The following CADM2 variants were observed in gnomAD, a reference collection of about 807,000 sequenced individuals.
CADM2 encodes immunoglobulin superfamily member 4D.
CADM2 carries 12 observed loss-of-function variants against 49.8 expected under a neutral mutation model. That is an observed-to-expected ratio of 0.24 (90% CI 0.15 to 0.39). CADM2 has a LOEUF of 0.39. Ranked by LOEUF, CADM2 falls within the 10% of genes least tolerant of loss-of-function variation. CADM2 has a pLI of 1.00. For missense variants in CADM2, 378 were observed against 492.3 expected (o/e 0.77, Z 2.20); for synonymous variants, 214 against 175.4 (o/e 1.22, Z -1.74).
intron 8 of CADM2, among the ~76,000 whole-genome samples, chr3:86,030,593 A>C (rs1734438456): frequency 6.6e-6 from 1 of 151,960 alleles, no homozygotes; most frequent in African/African-American, 2.4e-5. Flanking sequence ...TGCCCACACA[A>C]GTGAGCAAGA....
intron 1 of CADM2, among the ~76,000 whole-genome samples, chr3:85,522,993 GAAA>G (rs71108296): frequency 2.8e-5 from 3 of 105,472 alleles, no homozygotes; most frequent in East Asian, 6.6e-4. Flanking sequence ...ACTTTTCCAA[GAAA>G]AAAAAAAAAA....
At chr3:85,909,401 AATAT>A (rs59251646) in intron 5 of CADM2, among the ~76,000 whole-genome samples, 1 of 147,318 alleles carries the variant, frequency 6.8e-6, no homozygotes, top group Non-Finnish European at 1.5e-5. Flanking sequence ...TGTAAAATGA[AATAT>A]ATATATATAT....
intron 1 of CADM2, among the ~76,000 whole-genome samples, chr3:85,332,249 T>A (rs1576363689): frequency 6.6e-6 from 1 of 152,214 alleles, no homozygotes; most frequent in Non-Finnish European, 1.5e-5. Flanking sequence ...TTTTTACTGT[T>A]GGATCCTGAG....
At chr3:85,497,972 C>T (rs922448585) in intron 1 of CADM2, among the ~76,000 whole-genome samples, 5 of 151,714 alleles carry the variant, frequency 3.3e-5, no homozygotes, top group African/African-American at 9.7e-5. Flanking sequence ...GTGAAATTGC[C>T]TACTCACTAA....
intron 1 of CADM2, among the ~76,000 whole-genome samples, chr3:85,677,340 C>T (rs1292039890): frequency 6.6e-6 from 1 of 152,074 alleles, no homozygotes; most frequent in Non-Finnish European, 1.5e-5. Context: ...TCACATCCTC[C>T]CTCTATAACT....
intron 1 of CADM2, among the ~76,000 whole-genome samples, chr3:85,421,761 T>C (rs1211891866): frequency 6.6e-6 from 1 of 152,212 alleles, no homozygotes; most frequent in Admixed American, 6.5e-5. Context: ...GATTTTTGTA[T>C]AGGTTAATTT....
chr3:85,652,934 C>T (rs897818237), intron 1 of CADM2, among the ~76,000 whole-genome samples: 4 of 151,370 alleles, frequency 2.6e-5, no homozygotes, highest in African/African-American at 9.7e-5. Flanking sequence ...CATGCCACCA[C>T]ACCTGGCTAA....
At chr3:85,344,882 T>C (rs964311252) in intron 1 of CADM2, among the ~76,000 whole-genome samples, 1 of 152,096 alleles carries the variant, frequency 6.6e-6, no homozygotes, top group Non-Finnish European at 1.5e-5. Flanking sequence ...TCACCAAAAA[T>C]AACCTAAGAA....
At chr3:85,751,790 A>C (rs1186920782) in intron 2 of CADM2, among the ~76,000 whole-genome samples, 3 of 152,162 alleles carry the variant, frequency 2.0e-5, no homozygotes, top group African/African-American at 7.2e-5. Flanking sequence ...GACTAAGCCC[A>C]TGTTAAATTC....
intron 1 of CADM2, among the ~76,000 whole-genome samples, chr3:85,014,085 G>A (rs114900723): frequency 0.024 from 3,381 of 138,656 alleles, 118 homozygotes; most frequent in Admixed American, 0.052. Context: ...TTATATATAC[G>A]CAGTGTAAAA....
intron 8 of CADM2, among the ~76,000 whole-genome samples, chr3:86,000,154 G>A (rs1289918943): frequency 1.3e-5 from 2 of 152,154 alleles, no homozygotes; most frequent in African/African-American, 4.8e-5. Flanking sequence ...TGCCAGAAAA[G>A]GGGGAAGTAC....
intron 8 of CADM2, among the ~76,000 whole-genome samples, chr3:86,041,443 T>C (rs1378471669): frequency 6.6e-6 from 1 of 152,086 alleles, no homozygotes; most frequent in African/African-American, 2.4e-5. Flanking sequence ...TAGTCTCTGA[T>C]AAAACAGACT....
intron 1 of CADM2, among the ~76,000 whole-genome samples, chr3:84,989,958 CTT>C (rs2032790753): frequency 6.6e-6 from 1 of 151,712 alleles, no homozygotes; most frequent in Non-Finnish European, 1.5e-5. Context: ...AAACTTATAA[CTT>C]TGAAGAAAAT....
chr3:85,316,830 T>C (rs949170465), intron 1 of CADM2, among the ~76,000 whole-genome samples: 1 of 152,072 alleles, frequency 6.6e-6, no homozygotes, highest in Non-Finnish European at 1.5e-5. Flanking sequence ...AGCGCGTACA[T>C]GCAGCTAATC....
chr3:85,802,995 C>A, intron 3 of CADM2, among the ~76,000 whole-genome samples: 1 of 151,894 alleles, frequency 6.6e-6, no homozygotes, highest in South Asian at 2.1e-4. Context: ...AACTATTAGT[C>A]TTAATATATT....
chr3:85,391,391 G>T (rs1319146643), intron 1 of CADM2, among the ~76,000 whole-genome samples: 2 of 151,976 alleles, frequency 1.3e-5, no homozygotes, highest in African/African-American at 4.8e-5. Flanking sequence ...AGTGGAAGAG[G>T]TTATAGATGT....
intron 2 of CADM2, among the ~76,000 whole-genome samples, chr3:85,737,213 A>C (rs1195615714): frequency 6.6e-6 from 1 of 152,168 alleles, no homozygotes; most frequent in Non-Finnish European, 1.5e-5. Flanking sequence ...TTATTACTGG[A>C]ATAATAAGAT....
At chr3:85,789,790 T>A (rs2071218574) in intron 2 of CADM2, among the ~76,000 whole-genome samples, 1 of 152,168 alleles carries the variant, frequency 6.6e-6, no homozygotes, top group Admixed American at 6.6e-5. Flanking sequence ...AGCCATATAT[T>A]CGTATTTATT....
chr3:84,982,737 A>ATATATATATAT (rs1553663805), intron 1 of CADM2, among the ~76,000 whole-genome samples: 4 of 115,376 alleles, frequency 3.5e-5, no homozygotes, highest in African/African-American at 7.0e-5. Context: ...ATATATATAC[A>ATATATATATAT]TTTTTTGTTT....
Sources: gnomAD v4.1 joint callset for allele counts (sites outside exome capture counted in the v4.1 genomes callset) on GRCh38, gnomAD v4.1.1 for gene constraint, MANE v1.5 for transcripts, NCBI Gene and HGNC (gene_info 2026-07-23, HGNC 2026-07-21) for gene names.